The following FARS2 variants were observed in gnomAD, a reference collection of about 807,000 sequenced individuals.
FARS2 encodes the protein phenylalanyl-tRNA synthetase 2, mitochondrial, also known as phenylalanine--tRNA ligase, mitochondrial.
In FARS2, 40 loss-of-function variants were observed where a neutral mutation model predicts 46.4. The observed-to-expected ratio is 0.86, with a 90% confidence interval of 0.67 to 1.12. FARS2 has a LOEUF of 1.12. Among genes scored for constraint, FARS2 ranks in the 50% most tolerant of loss-of-function variants. The pLI is 0.00. For missense variants in FARS2, 513 were observed against 567.9 expected, an observed-to-expected ratio of 0.90 and a Z score of 0.98; for synonymous variants, 234 against 214.9, an observed-to-expected ratio of 1.09 and a Z score of -0.78.
chr6:5,382,667 A>C (rs965609034), intron 2 of FARS2, among the ~76,000 whole-genome samples: 1 of 152,214 alleles, frequency 6.6e-6, no homozygotes, highest in African/African-American at 2.4e-5. Context: ...GGAATCGTGG[A>C]GATTCCACCT....
chr6:5,644,455 T>G (rs945017293), intron 6 of FARS2, among the ~76,000 whole-genome samples: 1 of 152,178 alleles, frequency 6.6e-6, no homozygotes, highest in Non-Finnish European at 1.5e-5. Flanking sequence ...TCAAGCAATC[T>G]GCCCACCTTG....
chr6:5,488,077 G>T (rs1325102944), intron 4 of FARS2, among the ~76,000 whole-genome samples: 1 of 152,158 alleles, frequency 6.6e-6, no homozygotes, highest in Non-Finnish European at 1.5e-5. Flanking sequence ...GTTATGATCA[G>T]CTGTGTCCTT....
intron 4 of FARS2, among the ~76,000 whole-genome samples, chr6:5,488,785 A>T (rs1490746695): frequency 2.6e-5 from 4 of 151,912 alleles, no homozygotes; most frequent in African/African-American, 9.7e-5. Context: ...AATACTTCAT[A>T]CTCCGCATAT....
the FARS2 span, among the ~76,000 whole-genome samples, chr6:5,250,108 CTT>C: frequency 6.6e-6 from 1 of 152,080 alleles, no homozygotes; most frequent in Non-Finnish European, 1.5e-5. Flanking sequence ...TTTGGCCTAA[CTT>C]TACTCCTCAT....
At chr6:5,622,468 A>G (rs895611198) in intron 6 of FARS2, among the ~76,000 whole-genome samples, 2 of 152,196 alleles carry the variant, frequency 1.3e-5, no homozygotes, top group Non-Finnish European at 2.9e-5. Flanking sequence ...GTCAAACAGG[A>G]ATCTCTATTG....
At chr6:5,601,936 T>G (rs1288380495) in intron 5 of FARS2, among the ~76,000 whole-genome samples, 1 of 152,198 alleles carries the variant, frequency 6.6e-6, no homozygotes, top group South Asian at 2.1e-4. Context: ...AGAAGCTGAC[T>G]CAAAGTCACC....
At chr6:5,686,013 A>G (rs1218816041) in intron 6 of FARS2, among the ~76,000 whole-genome samples, 2 of 152,172 alleles carry the variant, frequency 1.3e-5, no homozygotes, top group Admixed American at 1.3e-4. Context: ...AAGGGTGAAA[A>G]TGATGCCGGA....
intron 1 of FARS2, among the ~76,000 whole-genome samples, chr6:5,319,175 C>T (rs946810368): frequency 1.3e-5 from 2 of 152,062 alleles, no homozygotes; most frequent in Non-Finnish European, 2.9e-5. Context: ...TACTGTCTCT[C>T]TAAAATAATA....
chr6:5,673,456 G>A (rs752717366), intron 6 of FARS2, among the ~76,000 whole-genome samples: 4 of 152,200 alleles, frequency 2.6e-5, no homozygotes, highest in South Asian at 2.1e-4. Context: ...AGTATCTGAG[G>A]AAGCAAGAAG....
In FARS2 at chr6:5,562,163, C is replaced by T. The variant is rs116162195; in HGVS notation, c.1065+16823C>T. Among the ~76,000 whole-genome samples, 574 of 152,076 alleles carry T rather than the reference C, an allele frequency of 3.8e-3. 6 individuals are homozygous for T. The highest frequency in any genetic ancestry group is 0.012 in the African/African-American group (496 of 41,460). The stretch of plus-strand genomic sequence containing the variant: ...TGTGTTTCTTCATATTATAATTTTT[C>T]GATGTTTCAAAGTCTGACTTTGCAA... On this transcript the variant is annotated intron_variant, in intron 5 of 6. Coordinates refer to ENST00000274680, the MANE Select transcript of FARS2 (RefSeq NM_006567.5).
chr6:5,256,651 C>T (rs1362639179), upstream of FARS2, among the ~76,000 whole-genome samples: 3 of 151,812 alleles, frequency 2.0e-5, no homozygotes, highest in African/African-American at 4.8e-5. Flanking sequence ...TGCGTGGGGT[C>T]ACACAGAGTT....
At position 5,368,846 on chromosome 6, in the gene FARS2, G is replaced by A; in HGVS notation, c.276G>A (p.Arg92=). ...QHHPLWLIKE[R]VKEHFYKQYV... is the part of the protein sequence containing the mutation. ...ACCCTCTGTGGCTGATCAAGGAGAG[G>A]GTGAAGGAGCACTTCTACAAGCAGT... The change falls in exon 2 of 7, where the codon AGG becomes AGA. Residue 92 remains arginine, a synonymous_variant. Coordinates refer to ENST00000274680, the MANE Select transcript of FARS2 (RefSeq NM_006567.5). 2 of 1,614,158 alleles carry A rather than the reference G, an allele frequency of 1.2e-6. No individual in the cohort carries two copies. Among genetic ancestry groups the A allele is most frequent in the Non-Finnish European group, 1.7e-6 (2 of 1,180,036 alleles).
chr6:5,556,268 G>T (rs1771651332), intron 5 of FARS2, among the ~76,000 whole-genome samples: 1 of 152,072 alleles, frequency 6.6e-6, no homozygotes, highest in Non-Finnish European at 1.5e-5. Context: ...TGGGATTAGT[G>T]GGGAGTGTGT....
At position 5,727,518 on chromosome 6, in the gene FARS2, G is replaced by A. The variant is rs1343926082; in HGVS notation, c.1218-43773G>A. On this transcript the variant is annotated intron_variant, in intron 6 of 6. Coordinates refer to ENST00000274680, the MANE Select transcript of FARS2 (RefSeq NM_006567.5). This position sits in a 1 kb window ranked among gnomAD's most constrained non-coding sequence, Gnocchi z 4.1. ...CGGGTAACTGAAGAAAGTGCATTCC[G>A]CGGTCTCCATGTGGTCAGGACTTGG... Among the ~76,000 whole-genome samples the A allele has an allele frequency of 6.6e-6, 1 of 152,160 alleles. No homozygotes were observed. The highest frequency in any genetic ancestry group is 1.5e-5 in the Non-Finnish European group (1 of 68,028).
intron 1 of FARS2, among the ~76,000 whole-genome samples, chr6:5,301,559 CCTACCCCAT>C (rs568154529): frequency 2.1e-3 from 315 of 152,268 alleles, no homozygotes; most frequent in Non-Finnish European, 3.0e-3. Flanking sequence ...CTCCAACCCA[CCTACCCCAT>C]CTCCTGGATC....
intron 6 of FARS2, among the ~76,000 whole-genome samples, chr6:5,698,399 C>T (rs1037011717): frequency 2.6e-5 from 4 of 152,158 alleles, no homozygotes; most frequent in African/African-American, 7.2e-5. Flanking sequence ...TGCGCCATGA[C>T]GGATCCACCC....
At chr6:5,669,379 A>ACC (rs536744576) in intron 6 of FARS2, among the ~76,000 whole-genome samples, 40 of 92,562 alleles carry the variant, frequency 4.3e-4, no homozygotes, top group Middle Eastern at 6.3e-3. Context: ...ACCTCCCCCC[A>ACC]CCCCCCCGCT....
intron 6 of FARS2, among the ~76,000 whole-genome samples, chr6:5,646,470 G>A (rs1777080381): frequency 6.6e-6 from 1 of 152,146 alleles, no homozygotes; most frequent in Admixed American, 6.6e-5. Flanking sequence ...TGTGGTCTAT[G>A]CGTGATGGCC....
intron 3 of FARS2, among the ~76,000 whole-genome samples, chr6:5,410,165 T>G (rs1482557561): frequency 1.3e-5 from 2 of 151,330 alleles, no homozygotes; most frequent in African/African-American, 2.4e-5. Context: ...TTGTTTTTTT[T>G]TTTTTTGAGA....
Sources: allele counts gnomAD v4.1 joint callset (sites outside exome capture counted in the v4.1 genomes callset), GRCh38; gene constraint gnomAD v4.1.1; non-coding constraint Gnocchi (gnomAD v3.1); transcripts MANE v1.5; gene names NCBI Gene and HGNC (gene_info 2026-07-23, HGNC 2026-07-21).